BANK1: variants seen among roughly 807,000 people sequenced by gnomAD.
The protein encoded by BANK1 is B cell scaffold protein with ankyrin repeats 1.
A neutral mutation model predicts 94.5 loss-of-function variants in BANK1; 95 were observed. That is an observed-to-expected ratio of 1.00 (90% CI 0.85 to 1.19). BANK1 has a LOEUF of 1.19. Among genes scored for constraint, BANK1 ranks in the 50% most tolerant of loss-of-function variants. The pLI is 0.00. For synonymous variants in BANK1, 334 were observed against 308.4 expected (o/e 1.08, Z -0.87); for missense variants, 987 against 932.2 (o/e 1.06, Z -0.77).
chr4:101,989,431 CAAAAAAA>C (rs899065744), intron 7 of BANK1, among the ~76,000 whole-genome samples: 1 of 31,074 alleles, frequency 3.2e-5, no homozygotes, highest in African/African-American at 1.1e-4. Flanking sequence ...GACTCCGTCT[CAAAAAAA>C]AAAAAAAAAA....
intron 7 of BANK1, among the ~76,000 whole-genome samples, chr4:101,932,932 G>T (rs976822680): frequency 6.6e-6 from 1 of 151,452 alleles, no homozygotes; most frequent in African/African-American, 2.4e-5. Flanking sequence ...TCTGGCAAAG[G>T]TGTTTATATA....
At chr4:102,003,606 C>T (rs910287992) in intron 7 of BANK1, among the ~76,000 whole-genome samples, 1 of 152,044 alleles carries the variant, frequency 6.6e-6, no homozygotes, top group Admixed American at 6.6e-5. Context: ...GACCTAGTTG[C>T]AGAAGTCATA....
chr4:101,969,733 T>G (rs1412166030), intron 7 of BANK1, among the ~76,000 whole-genome samples: 1 of 152,100 alleles, frequency 6.6e-6, no homozygotes, highest in African/African-American at 2.4e-5. Context: ...ATGGACACCC[T>G]ATTTGTTACT....
At chr4:101,808,426 T>A (rs1301924940) in intron 1 of BANK1, among the ~76,000 whole-genome samples, 2 of 152,172 alleles carry the variant, frequency 1.3e-5, no homozygotes, top group African/African-American at 4.8e-5. Flanking sequence ...AGAGTTTTGC[T>A]ACTTTCAAGG....
intron 2 of BANK1, among the ~76,000 whole-genome samples, chr4:101,842,449 T>C (rs1417588137): frequency 2.0e-5 from 3 of 152,304 alleles, no homozygotes; most frequent in Admixed American, 6.5e-5. Context: ...TTAGGTGCAG[T>C]TACTAGTACT....
intron 7 of BANK1, among the ~76,000 whole-genome samples, chr4:102,000,346 A>G (rs13150781): frequency 7.0e-6 from 1 of 143,704 alleles, no homozygotes; most frequent in Admixed American, 7.0e-5. Flanking sequence ...AAAAAAAAAA[A>G]CAGTGAAAGA....
chr4:102,014,600 G>A (rs1021861090), intron 7 of BANK1, among the ~76,000 whole-genome samples: 5 of 151,994 alleles, frequency 3.3e-5, no homozygotes, highest in Admixed American at 1.3e-4. Context: ...TAATTTCTTC[G>A]TGGTTGTCAC....
At chr4:102,029,757 A>C (rs984377891) in intron 9 of BANK1, among the ~76,000 whole-genome samples, 1 of 152,082 alleles carries the variant, frequency 6.6e-6, no homozygotes, top group African/African-American at 2.4e-5. Context: ...AGGATGATTT[A>C]TTAGTAAGTT....
chr4:101,836,162 G>A (rs554266692), intron 2 of BANK1, among the ~76,000 whole-genome samples: 4 of 151,454 alleles, frequency 2.6e-5, no homozygotes, highest in African/African-American at 9.7e-5. Context: ...TCTCCTTATT[G>A]CTGTTTTACA....
At chr4:101,927,991 A>G (rs1210070733) in intron 7 of BANK1, among the ~76,000 whole-genome samples, 1 of 151,678 alleles carries the variant, frequency 6.6e-6, no homozygotes, top group Non-Finnish European at 1.5e-5. Flanking sequence ...ATTAAATGCT[A>G]CTGACAGGTC....
In BANK1 at chr4:102,038,543, T is replaced by C. The variant is rs1218741766; in HGVS notation, c.1901-5296T>C. Among the ~76,000 whole-genome samples the C allele has an allele frequency of 2.6e-5, 4 of 152,128 alleles. No individual in the cohort carries two copies. In the East Asian group the frequency reaches 7.7e-4, roughly 29 times the overall value. On this transcript the variant is annotated intron_variant, in intron 10 of 16. Transcript: ENST00000322953. ...TCCAGTGCTATACAAGCAATAGTTGTTCAATACATGCTGCCTCCTGCTAAC... is the reference window on the plus strand; with the variant it reads ...TCCAGTGCTATACAAGCAATAGTTGCTCAATACATGCTGCCTCCTGCTAAC...
intron 1 of BANK1, among the ~76,000 whole-genome samples, chr4:101,795,364 CT>C (rs1725121245): frequency 6.8e-6 from 1 of 147,842 alleles, no homozygotes; most frequent in South Asian, 2.2e-4. Context: ...TCACTGTGTT[CT>C]TTTATCTATG....
intron 7 of BANK1, among the ~76,000 whole-genome samples, chr4:101,978,254 T>G (rs1220248378): frequency 6.6e-6 from 1 of 152,118 alleles, no homozygotes; most frequent in Non-Finnish European, 1.5e-5. Flanking sequence ...AGAATCACAG[T>G]ATTTTAAAGC....
At chr4:101,964,273 A>G (rs1444693331) in intron 7 of BANK1, among the ~76,000 whole-genome samples, 1 of 152,088 alleles carries the variant, frequency 6.6e-6, no homozygotes, top group African/African-American at 2.4e-5. Flanking sequence ...GGTCAACAGA[A>G]CATGGGGGAA....
At chr4:101,861,675 G>A (rs1443280838) in intron 3 of BANK1, among the ~76,000 whole-genome samples, 4 of 151,962 alleles carry the variant, frequency 2.6e-5, no homozygotes, top group Non-Finnish European at 5.9e-5. Context: ...ATGTGTATGT[G>A]TGTGTGTGTG....
chr4:101,832,932 A>C (rs1304123616), intron 2 of BANK1, among the ~76,000 whole-genome samples: 17 of 118,060 alleles, frequency 1.4e-4, no homozygotes, highest in South Asian at 5.1e-4. Context: ...TCCCTTTCTC[A>C]CTTTTTCTCT....
chr4:101,991,177 T>C (rs745326352), intron 7 of BANK1, among the ~76,000 whole-genome samples: 1 of 152,242 alleles, frequency 6.6e-6, no homozygotes, highest in Non-Finnish European at 1.5e-5. Flanking sequence ...ATTTGAATCC[T>C]GTTCTCTGAG....
At chr4:102,066,801 A>G (rs1214086134) in intron 13 of BANK1, among the ~76,000 whole-genome samples, 1 of 152,218 alleles carries the variant, frequency 6.6e-6, no homozygotes, top group Non-Finnish European at 1.5e-5. Flanking sequence ...GATATAAAAT[A>G]TTATGTTTTC....
chr4:101,974,746 G>A (rs189296338), intron 7 of BANK1, among the ~76,000 whole-genome samples: 163 of 151,470 alleles, frequency 1.1e-3, no homozygotes, highest in African/African-American at 3.5e-3. Flanking sequence ...TCAGGAGTTC[G>A]AGACCAGCCT....
Sources: gnomAD v4.1 joint callset for allele counts (sites outside exome capture counted in the v4.1 genomes callset) on GRCh38, gnomAD v4.1.1 for gene constraint, MANE v1.5 for transcripts, NCBI Gene and HGNC (gene_info 2026-07-23, HGNC 2026-07-21) for gene names.